FEM1A: variants seen among roughly 807,000 people sequenced by gnomAD.
The protein encoded by FEM1A is protein fem-1 homolog A.
A neutral mutation model predicts 0.7 loss-of-function variants in FEM1A; 1 was observed. The ratio of observed to expected loss-of-function variants is 1.35; its 90% CI spans 0.48 to 6.40. The LOEUF (loss-of-function observed/expected upper bound fraction) is 6.40. FEM1A is among the 30% of genes most tolerant of loss of function. FEM1A has a pLI of 0.14. For missense variants in FEM1A, 721 were observed against 918.7 expected (o/e 0.78, Z 2.78); for synonymous variants, 391 against 420.6 (o/e 0.93, Z 0.86).
In FEM1A at chr19:4,799,508, C is replaced by T. The variant is rs2093565684; in HGVS notation, c.*5644C>T. 1 of 152,580 alleles carries T rather than the reference C, an allele frequency of 6.6e-6. No homozygotes were observed. The highest frequency in any genetic ancestry group is 2.1e-4 in the South Asian group (1 of 4,856). The allele number at this position is 152,580 out of a possible 1,614,324, so 9.5% of individuals were successfully genotyped here. On this transcript the variant is annotated 3_prime_UTR_variant, in exon 1 of 1. Transcript: ENST00000269856. ...GACCAGCCTGGGTCCCATGTTCTTC[C>T]ATGACCCAATCCTAGTAGCCCAGGA... is the stretch of plus-strand genomic sequence containing the variant.
Position 4,792,731 on chromosome 19 carries a change from A to G in FEM1A, c.877A>G (p.Ser293Gly), listed in dbSNP as rs1304154730. The G allele has an allele frequency of 1.5e-5, 24 of 1,612,070 alleles. No individual in the cohort carries two copies. The highest frequency in any genetic ancestry group is 1.9e-5 in the Non-Finnish European group (23 of 1,179,874). The change falls in exon 1 of 1, where the codon AGC becomes GGC. Residue 293 changes from serine to glycine, a missense_variant. Physicochemically the swap from Ser to Gly is moderately conservative, Grantham distance 56. This residue lies in a region of FEM1A where 137 missense variants were observed against 121.7 expected (regional missense o/e 1.13). Transcript: ENST00000269856. The surrounding 1 kb of genome is among the most constrained non-coding windows in gnomAD (Gnocchi z 6.7). ...ATCTTACGAAAGCTGCTGTCCCACC[A>G]GCCGGGAAGCTGCCGTGGAAGCCTT... ...GESYESCCPT[S>G]REAAVEALEL...
rs2093567835 is a variant in FEM1A at position 4,800,917 on chromosome 19, A to G, written c.*7053A>G. 6.6e-6 allele frequency: 1 copy of G among 152,132 alleles called. No individual in the cohort carries two copies. Among genetic ancestry groups the G allele is most frequent in the African/African-American group, 2.4e-5 (1 of 41,406 alleles). The allele number at this position is 152,132 out of a possible 1,614,324, so 9.4% of individuals were successfully genotyped here. A position where few individuals can be genotyped will look rare whatever the true frequency, so the allele number is the denominator to read the frequency against. On this transcript the variant is annotated 3_prime_UTR_variant, in exon 1 of 1. Transcript: ENST00000269856. ...TGCGGGGAGCTTCGGGACTGGAAAA[A>G]ACAGAGGGTGCTCTGACCGAGTGTT...
At position 4,799,418 on chromosome 19, in the gene FEM1A, C is replaced by A. The variant is rs9630894; in HGVS notation, c.*5554C>A. On this transcript the variant is annotated 3_prime_UTR_variant, in exon 1 of 1. Transcript: ENST00000269856. ...AACAGAGCAAGACTCTGTCTCAAAA[C>A]AAAACAAAACAAACAAACAAACAAA... 0.2 allele frequency: 31,766 copies of A among 157,412 alleles called. 3,538 individuals are homozygous for A. The highest frequency in any genetic ancestry group is 0.28 in the African/African-American group (11,617 of 40,812). The allele number at this position is 157,412 out of a possible 1,614,324, so 9.8% of individuals were successfully genotyped here.
In FEM1A at chr19:4,792,232, C is replaced by T; in HGVS notation, c.378C>T (p.Asp126=). ...NSTPLRAACF[D]GHLEVVRYLV... is the part of the protein sequence containing the mutation. ...CGCCTCTCCGCGCCGCCTGCTTCGA[C>T]GGCCACCTGGAGGTGGTGCGCTACC... is the stretch of plus-strand genomic sequence containing the variant. The change falls in exon 1 of 1, where the codon GAC becomes GAT. Residue 126 remains aspartate, a synonymous_variant. Transcript: ENST00000269856. This position sits in a 1 kb window ranked among gnomAD's most constrained non-coding sequence, Gnocchi z 6.7. 3.3e-6 allele frequency: 5 copies of T among 1,511,458 alleles called. No individual in the cohort carries two copies. The highest frequency in any genetic ancestry group is 2.6e-6 in the Non-Finnish European group (3 of 1,132,170). The allele number at this position is 1,511,458 out of a possible 1,614,324, so 93.6% of individuals were successfully genotyped here. A position where few individuals can be genotyped will look rare whatever the true frequency, so the allele number is the denominator to read the frequency against.
rs1033942090 is a variant in FEM1A at position 4,794,340 on chromosome 19, C to G, written c.*476C>G. The G allele has an allele frequency of 5.6e-6, 1 of 178,406 alleles. No homozygotes were observed. The highest frequency in any genetic ancestry group is 1.4e-5 in the Non-Finnish European group (1 of 74,066). The allele number at this position is 178,406 out of a possible 1,614,324, so 11.1% of individuals were successfully genotyped here. On this transcript the variant is annotated 3_prime_UTR_variant, in exon 1 of 1. Coordinates refer to ENST00000269856, the MANE Select transcript of FEM1A (RefSeq NM_018708.3). ...GCTCCTGAGATGAGAGTTTGAGATT[C>G]AGGGAATGAGACCACCTCTCATTTC...
rs922961094 is a variant in FEM1A at position 4,795,486 on chromosome 19, C to G, written c.*1622C>G. 2 of 166,308 alleles carry G rather than the reference C, an allele frequency of 1.2e-5. No individual in the cohort carries two copies. Among genetic ancestry groups the G allele is most frequent in the Admixed American group, 6.6e-5 (1 of 15,130 alleles). 10.3% of individuals were successfully genotyped at this position (166,308 alleles called of 1,614,324 possible). ...TCCCTGTCCCTCCCAAAGCACAGAG[C>G]ACAGAAATGAGGCCGTTTACATGGC... On this transcript the variant is annotated 3_prime_UTR_variant, in exon 1 of 1. Transcript: ENST00000269856.
rs2093558033 is a variant in FEM1A, at chr19:4,793,930, G to A, written c.*66G>A. ...GCTGAGATGGGGGAAATCCGGCTGC[G>A]GCATAGCAGATGCTCGTTCTTGCCT... On this transcript the variant is annotated 3_prime_UTR_variant, in exon 1 of 1. Transcript: ENST00000269856. This position sits in a 1 kb window ranked among gnomAD's most constrained non-coding sequence, Gnocchi z 5.1. 6 of 1,488,320 alleles carry A rather than the reference G, an allele frequency of 4.0e-6. No homozygotes were observed. In the Admixed American group the frequency reaches 8.5e-5, roughly 21 times the overall value. The allele number at this position is 1,488,320 out of a possible 1,614,324, so 92.2% of individuals were successfully genotyped here.
rs1242042103 is a variant in FEM1A, at chr19:4,794,008, A to G, written c.*144A>G. The G allele has an allele frequency of 1.7e-5, 14 of 833,632 alleles. No individual in the cohort carries two copies. Among genetic ancestry groups the G allele is most frequent in the Middle Eastern group, 3.5e-4 (1 of 2,872 alleles). 51.6% of individuals were successfully genotyped at this position (833,632 alleles called of 1,614,324 possible). Reference sequence around the variant, plus strand: ...TCTGCCTCCCATCCCCTCTACCTGCAGACAGGGTCGGAGGTGTTAGCGAGC... The same window carrying G: ...TCTGCCTCCCATCCCCTCTACCTGCGGACAGGGTCGGAGGTGTTAGCGAGC... On this transcript the variant is annotated 3_prime_UTR_variant, in exon 1 of 1. Coordinates refer to ENST00000269856, the MANE Select transcript of FEM1A (RefSeq NM_018708.3).
rs1179216491 is a variant in FEM1A, at chr19:4,795,657, G to A, written c.*1793G>A. 1 of 165,162 alleles carries A rather than the reference G, an allele frequency of 6.1e-6. No individual in the cohort carries two copies. Among genetic ancestry groups the A allele is most frequent in the Non-Finnish European group, 1.5e-5 (1 of 68,096 alleles). 10.2% of individuals were successfully genotyped at this position (165,162 alleles called of 1,614,324 possible). On this transcript the variant is annotated 3_prime_UTR_variant, in exon 1 of 1. Transcript: ENST00000269856. ...GGTGTGAGTGAACAGAGAGCCCTAG[G>A]GCCACCTCCCCTAGCCAGAGGGGTT...
In FEM1A at chr19:4,797,403, C is replaced by G. The variant is rs956096679; in HGVS notation, c.*3539C>G. On this transcript the variant is annotated 3_prime_UTR_variant, in exon 1 of 1. Coordinates refer to ENST00000269856, the MANE Select transcript of FEM1A (RefSeq NM_018708.3). ...TGATCTCCTGACCTCATGATCCGCCCACCTCGGCCTCCCAAAGTGCTGGGA... is the reference window on the plus strand; with the variant it reads ...TGATCTCCTGACCTCATGATCCGCCGACCTCGGCCTCCCAAAGTGCTGGGA... The G allele has an allele frequency of 1.3e-5, 2 of 151,870 alleles. No homozygotes were observed. The highest frequency in any genetic ancestry group is 2.4e-5 in the African/African-American group (1 of 41,354). The allele number at this position is 151,870 out of a possible 1,614,324, so 9.4% of individuals were successfully genotyped here.
chr19:4,797,372 T>G lies in FEM1A; in HGVS notation c.*3508T>G, dbSNP rs1004428395. The G allele has an allele frequency of 6.6e-6, 1 of 151,596 alleles. No individual in the cohort carries two copies. The highest frequency in any genetic ancestry group is 2.4e-5 in the African/African-American group (1 of 41,280). 9.4% of individuals were successfully genotyped at this position (151,596 alleles called of 1,614,324 possible). ...GAGATGGGGTTTCACCGTGTTAGGA[T>G]AGTCTTGATCTCCTGACCTCATGAT... On this transcript the variant is annotated 3_prime_UTR_variant, in exon 1 of 1. Coordinates refer to ENST00000269856, the MANE Select transcript of FEM1A (RefSeq NM_018708.3).
chr19:4,796,622 A>G lies in FEM1A; in HGVS notation c.*2758A>G, dbSNP rs146812547. On this transcript the variant is annotated 3_prime_UTR_variant, in exon 1 of 1. Transcript: ENST00000269856. The stretch of plus-strand genomic sequence containing the variant: ...AAGCACCACCCCGTTAGCTGGGTCC[A>G]TGGGATTTTGCTGAGCCCCTGCCAT... 6.6e-6 allele frequency: 1 copy of G among 152,352 alleles called. No individual in the cohort carries two copies. The highest frequency in any genetic ancestry group is 1.5e-5 in the Non-Finnish European group (1 of 68,090). The allele number at this position is 152,352 out of a possible 1,614,324, so 9.4% of individuals were successfully genotyped here. A position where few individuals can be genotyped will look rare whatever the true frequency, so the allele number is the denominator to read the frequency against.
Position 4,797,598 on chromosome 19 carries a change from G to C in FEM1A, c.*3734G>C, listed in dbSNP as rs1000479826. On this transcript the variant is annotated 3_prime_UTR_variant, in exon 1 of 1. Transcript: ENST00000269856. ...CCAAGATGACCGCCAGCAGAAAAGAGAGCATCTTTCTCCCAGTCAAAAGCC... is the reference window on the plus strand; with the variant it reads ...CCAAGATGACCGCCAGCAGAAAAGACAGCATCTTTCTCCCAGTCAAAAGCC... The C allele has an allele frequency of 5.9e-5, 9 of 152,078 alleles. No individual in the cohort carries two copies. The highest frequency in any genetic ancestry group is 4.6e-4 in the Admixed American group (7 of 15,220). 9.4% of individuals were successfully genotyped at this position (152,078 alleles called of 1,614,324 possible).
At position 4,791,812 on chromosome 19, in the gene FEM1A, C is replaced by A; in HGVS notation, c.-43C>A. On this transcript the variant is annotated 5_prime_UTR_variant, in exon 1 of 1. Transcript: ENST00000269856. ...TCCGGGCTCTGATCCTCCGTCTCCC[C>A]GTCCCCCGGCGGCCGGCCCATGGCC... 6.9e-7 allele frequency: 1 copy of A among 1,445,574 alleles called. No homozygotes were observed. 89.5% of individuals were successfully genotyped at this position (1,445,574 alleles called of 1,614,324 possible). A position where few individuals can be genotyped will look rare whatever the true frequency, so the allele number is the denominator to read the frequency against.
Position 4,794,754 on chromosome 19 carries a change from C to T in FEM1A, c.*890C>T, listed in dbSNP as rs193038377. 10 of 166,994 alleles carry T rather than the reference C, an allele frequency of 6.0e-5. No homozygotes were observed. The highest frequency in any genetic ancestry group is 2.1e-4 in the South Asian group (1 of 4,824). The allele number at this position is 166,994 out of a possible 1,614,324, so 10.3% of individuals were successfully genotyped here. Reference sequence around the variant, plus strand: ...ACTCTACGGCCTTTTACAGGCTTTCCGATTTTACAGGCCTTTCCAAGTTTC... The same window carrying T: ...ACTCTACGGCCTTTTACAGGCTTTCTGATTTTACAGGCCTTTCCAAGTTTC... On this transcript the variant is annotated 3_prime_UTR_variant, in exon 1 of 1. Transcript: ENST00000269856.
rs1307248278 is a variant in FEM1A at position 4,796,845 on chromosome 19, C to T, written c.*2981C>T. 1 of 152,272 alleles carries T rather than the reference C, an allele frequency of 6.6e-6. No homozygotes were observed. The highest frequency in any genetic ancestry group is 1.5e-5 in the Non-Finnish European group (1 of 68,108). The allele number at this position is 152,272 out of a possible 1,614,324, so 9.4% of individuals were successfully genotyped here. Reference sequence around the variant, plus strand: ...GTGTCTCCCATCTCTTGCCTTCACACACCTGCTGTCTTGTTTCATTTGGGA... The same window carrying T: ...GTGTCTCCCATCTCTTGCCTTCACATACCTGCTGTCTTGTTTCATTTGGGA... On this transcript the variant is annotated 3_prime_UTR_variant, in exon 1 of 1. Coordinates refer to ENST00000269856, the MANE Select transcript of FEM1A (RefSeq NM_018708.3).
chr19:4,794,507 G>A lies in FEM1A; in HGVS notation c.*643G>A, dbSNP rs1157443360. On this transcript the variant is annotated 3_prime_UTR_variant, in exon 1 of 1. Transcript: ENST00000269856. Reference sequence around the variant, plus strand: ...TTTAATAAGTGGGCAGGTTGCAAGCGTTGCACAGAAATTCTGAGATTTTAC... The same window carrying A: ...TTTAATAAGTGGGCAGGTTGCAAGCATTGCACAGAAATTCTGAGATTTTAC... The A allele has an allele frequency of 6.0e-6, 1 of 165,870 alleles. No individual in the cohort carries two copies. Among genetic ancestry groups the A allele is most frequent in the Non-Finnish European group, 1.5e-5 (1 of 67,972 alleles). The allele number at this position is 165,870 out of a possible 1,614,324, so 10.3% of individuals were successfully genotyped here.
rs1251424044 is a variant in FEM1A at position 4,793,057 on chromosome 19, C to T, written c.1203C>T (p.Ala401=). 2 of 1,613,534 alleles carry T rather than the reference C, an allele frequency of 1.2e-6. No homozygotes were observed. The highest frequency in any genetic ancestry group is 1.7e-5 in the Admixed American group (1 of 60,010). ...YYIRYRGAVY[A]DSGNFERCIR... is the part of the protein sequence containing the mutation. ...TCCGTTACAGGGGTGCCGTGTACGC[C>T]GACTCGGGCAATTTCGAGCGCTGCA... Residue 401 remains alanine (A), a synonymous_variant, in exon 1 of 1, where the codon GCC becomes GCT. Coordinates refer to ENST00000269856, the MANE Select transcript of FEM1A (RefSeq NM_018708.3). This position sits in a 1 kb window ranked among gnomAD's most constrained non-coding sequence, Gnocchi z 5.1.
rs149962403 is a variant in FEM1A, at chr19:4,792,455, C to A, written c.601C>A (p.Leu201Met). 1.5e-4 allele frequency: 232 copies of A among 1,596,760 alleles called. No individual in the cohort carries two copies. In the African/African-American group the frequency reaches 2.9e-3, roughly 20 times the overall value. The change falls in exon 1 of 1, where the codon CTG becomes ATG. Residue 201 changes from leucine (L) to methionine (M), a missense_variant. Around this residue, in one of 4 missense-constraint regions of FEM1A, gnomAD observed 195 missense variants for 316.9 expected, o/e 0.62. Transcript: ENST00000269856. The surrounding 1 kb of genome is among the most constrained non-coding windows in gnomAD (Gnocchi z 6.7). ...AESGSLEILQLLLGCKARMER... is the reference protein window; with the variant it reads ...AESGSLEILQMLLGCKARMER... ...GTCCGGCAGCCTGGAGATCCTGCAG[C>A]TGCTGCTGGGGTGCAAGGCCCGCAT...
Sources: allele counts gnomAD v4.1 joint callset, GRCh38; gene constraint gnomAD v4.1.1; regional missense constraint gnomAD v4.1.1; non-coding constraint Gnocchi (gnomAD v3.1); transcripts MANE v1.5; gene names NCBI Gene and HGNC (gene_info 2026-07-23, HGNC 2026-07-21).